Variants in ADORA1 observed in about 807,000 individuals in gnomAD.
The protein encoded by ADORA1 is adenosine A1 receptor.
A neutral mutation model predicts 19.9 loss-of-function variants in ADORA1; 6 were observed. That is an observed-to-expected ratio of 0.30 (90% CI 0.17 to 0.59). The LOEUF is 0.59. Ranked by LOEUF, ADORA1 falls within the 20% of genes least tolerant of loss-of-function variation. The pLI is 0.87. For synonymous variants in ADORA1, 194 were observed against 188.4 expected (o/e 1.03, Z -0.24); for missense variants, 302 against 439.2 (o/e 0.69, Z 2.79).
intron 3 of ADORA1, among the ~76,000 whole-genome samples, chr1:203,141,181 G>A (rs1034158605): frequency 7.9e-5 from 12 of 152,376 alleles, no homozygotes; most frequent in Admixed American, 2.6e-4. Context: ...GCTGGCATGG[G>A]GGCACGCTGT....
At chr1:203,151,317 G>T (rs983633855) in intron 3 of ADORA1, among the ~76,000 whole-genome samples, 5 of 152,088 alleles carry the variant, frequency 3.3e-5, no homozygotes, top group African/African-American at 9.7e-5. Context: ...GGCTGAGCAG[G>T]TTCCCAAACC....
rs187534180 is a variant in ADORA1, at chr1:203,144,040, A to G, written c.341+14858A>G. The stretch of plus-strand genomic sequence containing the variant: ...TTCTTAACCTGTCTAGGAGTTACGG[A>G]AAATGATAAAAGAAAGGGATTTAAC... On this transcript the variant is annotated intron_variant, in intron 3 of 3. Transcript: ENST00000337894. Among the ~76,000 whole-genome samples the G allele has an allele frequency of 7.6e-4, 116 of 151,940 alleles. 2 individuals are homozygous for G. Among genetic ancestry groups the G allele is most frequent in the Non-Finnish European group, 1.6e-4 (11 of 67,972 alleles).
chr1:203,157,786 ATCTGGGCC>A (rs1239650606), intron 3 of ADORA1, among the ~76,000 whole-genome samples: 5 of 152,154 alleles, frequency 3.3e-5, no homozygotes, highest in Admixed American at 1.3e-4. Context: ...CACAAGCTAC[ATCTGGGCC>A]TGCTTGAGCC....
In ADORA1 at chr1:203,129,060, A is replaced by G. The variant is rs1558125097; in HGVS notation, c.219A>G (p.Pro73=). ...IPLAILINIG[P]QTYFHTCLMV... Reference sequence around the variant, plus strand: ...TCGCCATCCTCATCAACATTGGGCCACAGACCTACTTCCACACCTGCCTCA... The same window carrying G: ...TCGCCATCCTCATCAACATTGGGCCGCAGACCTACTTCCACACCTGCCTCA... The change falls in exon 3 of 4, where the codon CCA becomes CCG. Residue 73 remains proline (P), a synonymous_variant. Coordinates refer to ENST00000337894, the MANE Select transcript of ADORA1 (RefSeq NM_000674.3). The G allele has an allele frequency of 1.2e-6, 2 of 1,614,100 alleles. No homozygotes were observed. Among genetic ancestry groups the G allele is most frequent in the Non-Finnish European group, 1.7e-6 (2 of 1,180,008 alleles).
intron 3 of ADORA1, among the ~76,000 whole-genome samples, chr1:203,140,731 G>T (rs1383169620): frequency 6.6e-6 from 1 of 152,194 alleles, no homozygotes; most frequent in Non-Finnish European, 1.5e-5. Context: ...TGGGACCACA[G>T]CAGTAGGAAC....
intron 3 of ADORA1, among the ~76,000 whole-genome samples, chr1:203,155,246 T>A (rs1397559312): frequency 1.3e-5 from 2 of 152,120 alleles, no homozygotes; most frequent in Non-Finnish European, 2.9e-5. Context: ...TTCACCATGT[T>A]GGCCAGGGTG....
chr1:203,137,325 T>C (rs879888842), intron 3 of ADORA1, among the ~76,000 whole-genome samples: 1 of 151,988 alleles, frequency 6.6e-6, no homozygotes, highest in Admixed American at 6.6e-5. Context: ...GATGGAGAGA[T>C]AAAGGGAGAG....
chr1:203,163,353 C>T (rs1362039102), intron 3 of ADORA1, among the ~76,000 whole-genome samples: 4 of 152,138 alleles, frequency 2.6e-5, no homozygotes, highest in Admixed American at 6.5e-5. Flanking sequence ...ACTGGCAGCC[C>T]GAGTTTGGGT....
At chr1:203,135,047 T>G (rs1470202243) in intron 3 of ADORA1, among the ~76,000 whole-genome samples, 1 of 152,164 alleles carries the variant, frequency 6.6e-6, no homozygotes, top group Admixed American at 6.5e-5. Context: ...TTTCCTCTGG[T>G]AGACACTCAA....
chr1:203,150,258 C>T lies in ADORA1; in HGVS notation c.342-15003C>T, dbSNP rs1231151214. ...ACTGCATCTGTATGTCTGGGCCCCT[C>T]CTCCACAAAGCCATCCCTGGAGCTG... On this transcript the variant is annotated intron_variant, in intron 3 of 3. Coordinates refer to ENST00000337894, the MANE Select transcript of ADORA1 (RefSeq NM_000674.3). Among the ~76,000 whole-genome samples, 3 of 152,244 alleles carry T rather than the reference C, an allele frequency of 2.0e-5. No homozygotes were observed. The East Asian group carries it at 5.8e-4, about 29-fold the overall frequency.
Position 203,166,544 on chromosome 1 carries a change from A to T in ADORA1, c.*644A>T, listed in dbSNP as rs1571816992. ...TTGCCCTGGGCCAGCCCAGGATTGT[A>T]CGTGGGAGAGGCAGAAAGGGTAGGT... On this transcript the variant is annotated 3_prime_UTR_variant, in exon 4 of 4. Transcript: ENST00000337894. The T allele has an allele frequency of 2.6e-5, 4 of 152,358 alleles. No individual in the cohort carries two copies. The highest frequency in any genetic ancestry group is 2.0e-4 in the Admixed American group (3 of 15,284). The allele number at this position is 152,358 out of a possible 1,614,324, so 9.4% of individuals were successfully genotyped here. A position where few individuals can be genotyped will look rare whatever the true frequency, so the allele number is the denominator to read the frequency against.
intron 3 of ADORA1, among the ~76,000 whole-genome samples, chr1:203,137,645 T>A (rs1654552589): frequency 6.6e-6 from 1 of 152,186 alleles, no homozygotes; most frequent in South Asian, 2.1e-4. Flanking sequence ...GCATTTAAAA[T>A]TTTTAACTTT....
In ADORA1 at chr1:203,164,884, C is replaced by A. The variant is rs115478270; in HGVS notation, c.342-377C>A. 9.2e-3 allele frequency among the ~76,000 whole-genome samples: 1,395 copies of A among 152,310 alleles called. 24 individuals are homozygous for A. The highest frequency in any genetic ancestry group is 0.031 in the African/African-American group (1,297 of 41,550). On this transcript the variant is annotated intron_variant, in intron 3 of 3. Coordinates refer to ENST00000337894, the MANE Select transcript of ADORA1 (RefSeq NM_000674.3). ...TGGGCAGTCCTCATTCTGCCGGTGACTTCCTACGCGACAAAGGCTGTCATG... is the reference window on the plus strand; with the variant it reads ...TGGGCAGTCCTCATTCTGCCGGTGAATTCCTACGCGACAAAGGCTGTCATG...
At chr1:203,148,969 C>G (rs1654947693) in intron 3 of ADORA1, among the ~76,000 whole-genome samples, 1 of 152,138 alleles carries the variant, frequency 6.6e-6, no homozygotes, top group Non-Finnish European at 1.5e-5. Flanking sequence ...CCTCCGCCGC[C>G]CGGGTTCAAG....
Position 203,165,143 on chromosome 1 carries a change from G to A in ADORA1, c.342-118G>A, listed in dbSNP as rs761358234. 8 of 1,569,240 alleles carry A rather than the reference G, an allele frequency of 5.1e-6. No individual in the cohort carries two copies. Among genetic ancestry groups the A allele is most frequent in the East Asian group, 2.4e-5 (1 of 41,908 alleles). On this transcript the variant is annotated intron_variant, in intron 3 of 3. Transcript: ENST00000337894. This position sits in a 1 kb window ranked among gnomAD's most constrained non-coding sequence, Gnocchi z 5.9. ...AAAGACATGCACCTCCCCACTCACC[G>A]GGCCCTGGAAGAGGAGGGTGCTCCT...
rs200470160 is a variant in ADORA1, at chr1:203,165,024, T to C, written c.342-237T>C. The C allele has an allele frequency of 1.4e-5, 21 of 1,546,274 alleles. No homozygotes were observed. Among genetic ancestry groups the C allele is most frequent in the Non-Finnish European group, 1.8e-5 (21 of 1,144,762 alleles). ...CCTCTGTGATTTTCTATTATTATTT[T>C]TGTCATTAATCAGGATTTCCTCTCT... On this transcript the variant is annotated intron_variant, in intron 3 of 3. Coordinates refer to ENST00000337894, the MANE Select transcript of ADORA1 (RefSeq NM_000674.3). This position sits in a 1 kb window ranked among gnomAD's most constrained non-coding sequence, Gnocchi z 5.9.
At position 203,165,163 on chromosome 1, in the gene ADORA1, G is replaced by T. The variant is rs1655498679; in HGVS notation, c.342-98G>T. On this transcript the variant is annotated intron_variant, in intron 3 of 3. Transcript: ENST00000337894. This position sits in a 1 kb window ranked among gnomAD's most constrained non-coding sequence, Gnocchi z 5.9. ...TCACCGGGCCCTGGAAGAGGAGGGT[G>T]CTCCTCTTAGAGGCCCCTGGAGGCC... 1 of 1,588,624 alleles carries T rather than the reference G, an allele frequency of 6.3e-7. No homozygotes were observed. Among genetic ancestry groups the T allele is most frequent in the East Asian group, 2.3e-5 (1 of 43,318 alleles).
chr1:203,146,273 A>G (rs898624547), intron 3 of ADORA1, among the ~76,000 whole-genome samples: 2 of 152,272 alleles, frequency 1.3e-5, no homozygotes, highest in African/African-American at 4.8e-5. Context: ...GCTGGTATCA[A>G]CTTCACTTTA....
chr1:203,147,014 C>G (rs185813111), intron 3 of ADORA1, among the ~76,000 whole-genome samples: 2 of 152,220 alleles, frequency 1.3e-5, no homozygotes, highest in Non-Finnish European at 2.9e-5. Context: ...GAGTGCTTCA[C>G]GCAAAGAGCA....
Sources: allele counts gnomAD v4.1 joint callset (sites outside exome capture counted in the v4.1 genomes callset), GRCh38; gene constraint gnomAD v4.1.1; non-coding constraint Gnocchi (gnomAD v3.1); transcripts MANE v1.5; gene names NCBI Gene and HGNC (gene_info 2026-07-23, HGNC 2026-07-21).